SNX2: variants seen among roughly 807,000 people sequenced by gnomAD.
SNX2 encodes the protein sorting nexin-2.
In SNX2, 25 loss-of-function variants were observed where a neutral mutation model predicts 69.9. The ratio of observed to expected loss-of-function variants is 0.36; its 90% confidence interval spans 0.26 to 0.50. SNX2 has a LOEUF of 0.50. Ranked by LOEUF, SNX2 falls within the 20% of genes least tolerant of loss-of-function variation. The probability of loss-of-function intolerance (pLI) is 0.97; values close to 1 mark genes in which losing one functional copy is unlikely to be tolerated. For missense variants in SNX2, 551 were observed against 613.3 expected, an observed-to-expected ratio of 0.90 and a Z score of 1.07; for synonymous variants, 229 against 200.4, an observed-to-expected ratio of 1.14 and a Z score of -1.20.
chr5:122,814,074 A>C (rs1032351011), intron 7 of SNX2, among the ~76,000 whole-genome samples: 1 of 152,110 alleles, frequency 6.6e-6, no homozygotes, highest in Non-Finnish European at 1.5e-5. Flanking sequence ...AATATTTCTT[A>C]GAGGTTAAGT....
chr5:122,806,802 G>C (rs1298661240), intron 6 of SNX2, among the ~76,000 whole-genome samples: 1 of 151,744 alleles, frequency 6.6e-6, no homozygotes, highest in African/African-American at 2.4e-5. Context: ...TGTAGTTTTA[G>C]GTGTCTTATT....
chr5:122,781,196 G>A (rs986386118), intron 1 of SNX2, among the ~76,000 whole-genome samples: 2 of 152,140 alleles, frequency 1.3e-5, no homozygotes, highest in African/African-American at 4.8e-5. Context: ...CCAGCCTCTG[G>A]CAACCACTGA....
Position 122,832,243 on chromosome 5 carries a change from A to T in SNX2, c.*2595A>T, listed in dbSNP as rs1754307755. 1 of 152,204 alleles carries T rather than the reference A, an allele frequency of 6.6e-6. No homozygotes were observed. The allele number at this position is 152,204 out of a possible 1,614,324, so 9.4% of individuals were successfully genotyped here. ...TTTCATTTAGTATGACTTTGGGCAT[A>T]TCACTTAAATCTCTTATCTATAAAA... On this transcript the variant is annotated 3_prime_UTR_variant, in exon 15 of 15. Coordinates refer to ENST00000379516, the MANE Select transcript of SNX2 (RefSeq NM_003100.4).
In SNX2 at chr5:122,816,465, T is replaced by A. The variant is rs192314936; in HGVS notation, c.799-450T>A. Among the ~76,000 whole-genome samples, 10 of 152,172 alleles carry A rather than the reference T, an allele frequency of 6.6e-5. No individual in the cohort carries two copies. In the East Asian group the frequency reaches 1.9e-3, roughly 29 times the overall value. ...AGAGCAATTTGAGTTCTAGTTTGCA[T>A]TTTTTTCTTTAAATTACTTGAGTTG... On this transcript the variant is annotated intron_variant, in intron 8 of 14. Coordinates refer to ENST00000379516, the MANE Select transcript of SNX2 (RefSeq NM_003100.4).
intron 1 of SNX2, among the ~76,000 whole-genome samples, chr5:122,790,448 T>C (rs1753207787): frequency 6.6e-6 from 1 of 152,156 alleles, no homozygotes; most frequent in South Asian, 2.1e-4. Flanking sequence ...AAGCTCACTC[T>C]CATGGCCATT....
At chr5:122,823,722 G>A (rs1754080375) in intron 11 of SNX2, among the ~76,000 whole-genome samples, 1 of 53,962 alleles carries the variant, frequency 1.9e-5, no homozygotes, top group African/African-American at 9.2e-5. Flanking sequence ...ATGTGGGTGT[G>A]TGTGTGTGTG....
chr5:122,775,030 C>G (rs888884724), upstream of SNX2: 1 of 1,392,172 alleles, frequency 7.2e-7, no homozygotes, highest in Admixed American at 2.6e-5. Flanking sequence ...GGCGGGTCGG[C>G]GCGGGCCCAG....
At chr5:122,813,523 T>A (rs1350605886) in intron 7 of SNX2, among the ~76,000 whole-genome samples, 1 of 152,062 alleles carries the variant, frequency 6.6e-6, no homozygotes, top group Admixed American at 6.6e-5. Context: ...AACATAGGAT[T>A]TAACAAAGTT....
intron 1 of SNX2, among the ~76,000 whole-genome samples, chr5:122,777,934 C>T (rs1391720686): frequency 6.6e-6 from 1 of 152,064 alleles, no homozygotes; most frequent in African/African-American, 2.4e-5. Context: ...GAATTTATTC[C>T]TCCTATTTGG....
intron 1 of SNX2, among the ~76,000 whole-genome samples, chr5:122,784,211 CTTT>C (rs542503945): frequency 7.0e-6 from 1 of 143,684 alleles, no homozygotes; most frequent in Non-Finnish European, 1.5e-5. Context: ...GTCTTTATAC[CTTT>C]TTTTTTTTTC....
At chr5:122,775,005 G>T (rs1036230753), upstream of SNX2, 4 of 1,202,020 alleles carry the variant, frequency 3.3e-6, no homozygotes, top group African/African-American at 6.4e-5. Flanking sequence ...GAGGCCGGCC[G>T]GGGGCGGGGA....
In SNX2 at chr5:122,794,980, A is replaced by G. The variant is rs374429636; in HGVS notation, c.109-286A>G. On this transcript the variant is annotated intron_variant, in intron 1 of 14. Coordinates refer to ENST00000379516, the MANE Select transcript of SNX2 (RefSeq NM_003100.4). The stretch of plus-strand genomic sequence containing the variant: ...CAAGGCTGCAGTGAACCAAGCTCAC[A>G]TCGCTACACTCCAGCCTGGGCCATA... Among the ~76,000 whole-genome samples the G allele has an allele frequency of 1.1e-4, 16 of 152,288 alleles. No homozygotes were observed. The East Asian group carries it at 1.7e-3, about 17-fold the overall frequency.
chr5:122,811,390 A>C (rs201515793), intron 7 of SNX2, among the ~76,000 whole-genome samples: 2 of 152,188 alleles, frequency 1.3e-5, no homozygotes, highest in East Asian at 3.8e-4. Flanking sequence ...ATAGGTAAGG[A>C]TACACATCTG....
intron 7 of SNX2, among the ~76,000 whole-genome samples, chr5:122,813,373 A>G (rs550854606): frequency 6.6e-6 from 1 of 152,224 alleles, no homozygotes; most frequent in African/African-American, 2.4e-5. Context: ...TATTTAGTAT[A>G]TGTATTAGCT....
intron 11 of SNX2, among the ~76,000 whole-genome samples, chr5:122,821,579 C>T (rs113845006): frequency 3.6e-4 from 54 of 152,100 alleles, no homozygotes; most frequent in Middle Eastern, 3.4e-3. Flanking sequence ...CTCAGCCTTC[C>T]GAGTAGCTGG....
At chr5:122,824,156 C>T (rs566328496) in intron 11 of SNX2, among the ~76,000 whole-genome samples, 1 of 147,468 alleles carries the variant, frequency 6.8e-6, no homozygotes, top group South Asian at 2.1e-4. Context: ...GAGCTGAGAT[C>T]GCGCCACTGC....
chr5:122,784,265 G>A (rs865902412), intron 1 of SNX2, among the ~76,000 whole-genome samples: 1 of 145,286 alleles, frequency 6.9e-6, no homozygotes, highest in Middle Eastern at 3.6e-3. Context: ...GTATAATATT[G>A]AATAAAAGTG....
chr5:122,800,093 G>A (rs1300471959), intron 3 of SNX2, among the ~76,000 whole-genome samples: 1 of 152,104 alleles, frequency 6.6e-6, no homozygotes, highest in African/African-American at 2.4e-5. Flanking sequence ...TGATAATAGT[G>A]TGCATTTCCT....
intron 7 of SNX2, among the ~76,000 whole-genome samples, chr5:122,810,627 G>C (rs1262779904): frequency 1.3e-5 from 2 of 152,060 alleles, no homozygotes; most frequent in Non-Finnish European, 2.9e-5. Context: ...CTTCCAACTT[G>C]GCTGCATTGC....
Sources: allele counts gnomAD v4.1 joint callset (sites outside exome capture counted in the v4.1 genomes callset), GRCh38; gene constraint gnomAD v4.1.1; transcripts MANE v1.5; gene names NCBI Gene and HGNC (gene_info 2026-07-23, HGNC 2026-07-21).